FMN2: variants seen among roughly 807,000 people sequenced by gnomAD.
FMN2 encodes the protein formin 2, also known as formin-2.
A neutral mutation model predicts 142.3 loss-of-function variants in FMN2; 51 were observed. That is an observed-to-expected ratio of 0.36 (90% CI 0.29 to 0.45). The LOEUF (loss-of-function observed/expected upper bound fraction) is 0.45, where lower values mean the gene tolerates loss of function less well. FMN2 is among the 20% of genes least tolerant of loss of function. The probability of loss-of-function intolerance (pLI) is 1.00; values close to 1 mark genes in which losing one functional copy is unlikely to be tolerated. For synonymous variants in FMN2, 882 were observed against 869.8 expected, an observed-to-expected ratio of 1.01 and a Z score of -0.25; for missense variants, 1,936 against 2,122.8, an observed-to-expected ratio of 0.91 and a Z score of 1.73.
chr1:240,321,517 A>G (rs1264536637), intron 8 of FMN2, among the ~76,000 whole-genome samples: 1 of 152,218 alleles, frequency 6.6e-6, no homozygotes, highest in Non-Finnish European at 1.5e-5. Context: ...TTAAATGACC[A>G]TTCTCATTGC....
chr1:240,450,309 G>A (rs1040006672), intron 16 of FMN2, among the ~76,000 whole-genome samples: 5 of 152,110 alleles, frequency 3.3e-5, no homozygotes, highest in African/African-American at 1.2e-4. Flanking sequence ...AGGTCTGTCT[G>A]CAGAATCCCT....
intron 8 of FMN2, among the ~76,000 whole-genome samples, chr1:240,319,809 A>T (rs1433110534): frequency 6.6e-6 from 1 of 152,122 alleles, no homozygotes; most frequent in Non-Finnish European, 1.5e-5. Context: ...TTCGAGAAAT[A>T]GTTGCTTAGC....
At chr1:240,243,661 T>C (rs1051737812) in intron 6 of FMN2, among the ~76,000 whole-genome samples, 11 of 152,226 alleles carry the variant, frequency 7.2e-5, no homozygotes, top group African/African-American at 2.4e-4. Flanking sequence ...TTTGTTTATC[T>C]CAAGTTATGG....
intron 2 of FMN2, among the ~76,000 whole-genome samples, chr1:240,151,543 G>A (rs994316862): frequency 3.3e-5 from 5 of 152,044 alleles, no homozygotes; most frequent in Non-Finnish European, 5.9e-5. Flanking sequence ...CGGTGTGGGC[G>A]AAGTCTGGAT....
intron 7 of FMN2, among the ~76,000 whole-genome samples, chr1:240,281,445 C>T (rs766931256): frequency 6.6e-6 from 1 of 152,128 alleles, no homozygotes; most frequent in Non-Finnish European, 1.5e-5. Context: ...TCTACTAGGG[C>T]AGGAACCGTG....
At chr1:240,272,405 G>A (rs1297430238) in intron 7 of FMN2, among the ~76,000 whole-genome samples, 1 of 152,156 alleles carries the variant, frequency 6.6e-6, no homozygotes, top group South Asian at 2.1e-4. Flanking sequence ...CCTTGAGAGG[G>A]GTCGGATTGG....
chr1:240,408,208 T>G (rs977446162), intron 15 of FMN2, among the ~76,000 whole-genome samples: 11 of 152,192 alleles, frequency 7.2e-5, no homozygotes, highest in African/African-American at 2.4e-4. Flanking sequence ...ATTATCTGAT[T>G]TGAGGATATT....
chr1:240,232,315 C>T (rs1947536), intron 6 of FMN2, among the ~76,000 whole-genome samples: 97,823 of 148,728 alleles, frequency 0.66, 32,824 homozygotes, highest in African/African-American at 0.76. Flanking sequence ...TGGTCTCGAT[C>T]TCCTGACCTC....
At chr1:240,305,190 A>G (rs1347993295) in intron 8 of FMN2, among the ~76,000 whole-genome samples, 1 of 152,094 alleles carries the variant, frequency 6.6e-6, no homozygotes. Context: ...TTTTCCTTTG[A>G]GATTTAGTCA....
At chr1:240,360,266 T>C (rs1197609626) in intron 14 of FMN2, among the ~76,000 whole-genome samples, 2 of 152,156 alleles carry the variant, frequency 1.3e-5, no homozygotes, top group Non-Finnish European at 2.9e-5. Flanking sequence ...ACCTTATACC[T>C]CGATGAGAAA....
At chr1:240,331,076 C>A (rs1245629555) in intron 11 of FMN2, among the ~76,000 whole-genome samples, 1 of 151,858 alleles carries the variant, frequency 6.6e-6, no homozygotes, top group Non-Finnish European at 1.5e-5. Flanking sequence ...TAATATTTAT[C>A]CTTTTGGAAT....
intron 16 of FMN2, among the ~76,000 whole-genome samples, chr1:240,466,693 A>C (rs1252619676): frequency 6.6e-6 from 1 of 152,068 alleles, no homozygotes; most frequent in African/African-American, 2.4e-5. Context: ...TTCCAGCATT[A>C]CTCTATCTTT....
chr1:240,123,719 C>T (rs77727049), intron 2 of FMN2, among the ~76,000 whole-genome samples: 6,024 of 152,176 alleles, frequency 0.04, 389 homozygotes, highest in African/African-American at 0.14. Flanking sequence ...CGTTTAGTGG[C>T]ATCAAATACA....
intron 15 of FMN2, among the ~76,000 whole-genome samples, chr1:240,424,596 C>A (rs916315702): frequency 8.5e-5 from 13 of 152,166 alleles, no homozygotes; most frequent in Admixed American, 6.6e-4. Flanking sequence ...AAAGAAGGCT[C>A]TTTTATTTCT....
intron 16 of FMN2, 46 bp from the exon 17 acceptor site, chr1:240,472,326 G>T: frequency 7.1e-7 from 1 of 1,416,294 alleles, no homozygotes; most frequent in South Asian, 1.2e-5. Context: ...AGAATGAGGT[G>T]ATCTAAGTAG....
intron 2 of FMN2, among the ~76,000 whole-genome samples, chr1:240,160,565 C>T (rs1296187452): frequency 2.6e-5 from 4 of 151,356 alleles, no homozygotes; most frequent in African/African-American, 4.8e-5. Flanking sequence ...AACTGTATCA[C>T]CATTCATGAC....
At chr1:240,309,493 C>T (rs1411399329) in intron 8 of FMN2, among the ~76,000 whole-genome samples, 1 of 152,124 alleles carries the variant, frequency 6.6e-6, no homozygotes, top group East Asian at 1.9e-4. Context: ...TGCGTGGTGT[C>T]TGCATTGGAG....
intron 6 of FMN2, among the ~76,000 whole-genome samples, chr1:240,211,860 A>G (rs1173608255): frequency 2.0e-5 from 3 of 152,182 alleles, no homozygotes; most frequent in African/African-American, 7.2e-5. Context: ...TGATATATCC[A>G]TTGGACTTGT....
chr1:240,097,602 G>A (rs1346434723), intron 1 of FMN2, among the ~76,000 whole-genome samples: 14 of 152,064 alleles, frequency 9.2e-5, no homozygotes, highest in Admixed American at 7.9e-4. Context: ...TGATCCGCCC[G>A]CCTCGGCCGC....
Sources: gnomAD v4.1 joint callset for allele counts (sites outside exome capture counted in the v4.1 genomes callset) on GRCh38, gnomAD v4.1.1 for gene constraint, MANE v1.5 for transcripts, NCBI Gene and HGNC (gene_info 2026-07-23, HGNC 2026-07-21) for gene names.